ANKS1A: variants seen among roughly 807,000 people sequenced by gnomAD.
The protein encoded by ANKS1A is ankyrin repeat and SAM domain-containing protein 1A.
In ANKS1A, 55 loss-of-function variants were observed where a neutral mutation model predicts 120.3. The observed-to-expected ratio is 0.46, with a 90% CI of 0.37 to 0.57. The LOEUF (loss-of-function observed/expected upper bound fraction) is 0.57. Ranked by LOEUF, ANKS1A falls within the 20% of genes least tolerant of loss-of-function variation. The pLI is 0.00. For missense variants in ANKS1A, 1,123 were observed against 1,480.3 expected, an observed-to-expected ratio of 0.76 and a Z score of 3.96; for synonymous variants, 590 against 604.7, an observed-to-expected ratio of 0.98 and a Z score of 0.36.
At chr6:34,947,348 T>C (rs1477320924) in intron 1 of ANKS1A, among the ~76,000 whole-genome samples, 1 of 152,074 alleles carries the variant, frequency 6.6e-6, no homozygotes, top group African/African-American at 2.4e-5. Flanking sequence ...GGTTTTACTA[T>C]GTTGGGCAGG....
chr6:34,904,007 G>A (rs540801251), intron 1 of ANKS1A, among the ~76,000 whole-genome samples: 4 of 152,274 alleles, frequency 2.6e-5, no homozygotes, highest in African/African-American at 4.8e-5. Flanking sequence ...TGAATCAGCT[G>A]TGAGTTTGGG....
chr6:34,889,853 C>T lies in ANKS1A; in HGVS notation c.197+254C>T, dbSNP rs1261332513. ...GTGGGAGTGCCCAGGTGGCAGCCTC[C>T]GCCGCATGGCACAGCCAGGGTTCAC... is the stretch of plus-strand genomic sequence containing the variant. On this transcript the variant is annotated intron_variant, in intron 1 of 23. Transcript: ENST00000360359. The surrounding 1 kb of genome is among the most constrained non-coding windows in gnomAD (Gnocchi z 5.5). Among the ~76,000 whole-genome samples the T allele has an allele frequency of 6.6e-6, 1 of 152,120 alleles. No homozygotes were observed. Among genetic ancestry groups the T allele is most frequent in the Non-Finnish European group, 1.5e-5 (1 of 68,028 alleles).
chr6:34,889,484 C>T lies in ANKS1A; in HGVS notation c.82C>T (p.Leu28Phe). Residue 28 changes from leucine (L) to phenylalanine (F), a missense_variant, in exon 1 of 24, where the codon CTC becomes TTC. Transcript: ENST00000360359. The surrounding 1 kb of genome is among the most constrained non-coding windows in gnomAD (Gnocchi z 5.5). ...GGAGAAGCTGCTGTCCGGGAAGCGG[C>T]TCTCCTCAGGCTTTGGGGGCGGCGG... ...AVEKLLSGKR[L>F]SSGFGGGGGG... The T allele has an allele frequency of 7.8e-7, 1 of 1,285,454 alleles. No individual in the cohort carries two copies. Among genetic ancestry groups the T allele is most frequent in the Middle Eastern group, 2.9e-4 (1 of 3,506 alleles). 79.6% of individuals were successfully genotyped at this position (1,285,454 alleles called of 1,614,324 possible).
chr6:35,089,989 T>A lies in ANKS1A; in HGVS notation c.*1380T>A, dbSNP rs1778211792. The A allele has an allele frequency of 8.4e-7, 1 of 1,192,278 alleles. No individual in the cohort carries two copies. The highest frequency in any genetic ancestry group is 3.5e-5 in the Admixed American group (1 of 28,566). The allele number at this position is 1,192,278 out of a possible 1,614,324, so 73.9% of individuals were successfully genotyped here. ...TTTGAATTCTTTGTTGGTATGTATG[T>A]GCAGGGAGTACTGTTAGGCACATTC... is the stretch of plus-strand genomic sequence containing the variant. On this transcript the variant is annotated 3_prime_UTR_variant, in exon 24 of 24. Transcript: ENST00000360359.
intron 13 of ANKS1A, among the ~76,000 whole-genome samples, chr6:35,065,062 TC>T (rs1776700302): frequency 1.3e-5 from 2 of 152,144 alleles, no homozygotes; most frequent in Non-Finnish European, 2.9e-5. Flanking sequence ...TTCCTCGCTA[TC>T]CCAGGAGTTG....
At chr6:34,899,853 C>T (rs1017417324) in intron 1 of ANKS1A, among the ~76,000 whole-genome samples, 1 of 152,216 alleles carries the variant, frequency 6.6e-6, no homozygotes, top group Non-Finnish European at 1.5e-5. Context: ...TGGGGCCAGC[C>T]GCCTGATTCT....
chr6:35,009,283 A>G (rs906128186), intron 10 of ANKS1A, among the ~76,000 whole-genome samples: 3 of 152,136 alleles, frequency 2.0e-5, no homozygotes, highest in African/African-American at 4.8e-5. Flanking sequence ...GAATGGGAGA[A>G]GTATAGAAGA....
intron 13 of ANKS1A, among the ~76,000 whole-genome samples, chr6:35,072,004 T>A (rs75882990): frequency 0.024 from 3,604 of 152,384 alleles, 71 homozygotes; most frequent in Middle Eastern, 0.037. Context: ...CACCAGTGTG[T>A]CACCACTCCC....
At chr6:35,091,505 G>A (rs1177760455), downstream of ANKS1A, 6 of 832,642 alleles carry the variant, frequency 7.2e-6, no homozygotes, top group East Asian at 1.2e-4. Flanking sequence ...TCAGTGATTC[G>A]CATCCTACAC....
chr6:34,977,396 CA>C (rs1329414311), intron 3 of ANKS1A, among the ~76,000 whole-genome samples: 46 of 67,630 alleles, frequency 6.8e-4, no homozygotes, highest in Non-Finnish European at 1.6e-3. Context: ...AGCATTTTAG[CA>C]TTTTTTTTTT....
intron 11 of ANKS1A, among the ~76,000 whole-genome samples, chr6:35,037,710 G>T (rs1775247388): frequency 1.3e-5 from 2 of 152,280 alleles, no homozygotes; most frequent in African/African-American, 4.8e-5. Flanking sequence ...GGTCTAGAGG[G>T]CTCTGGCAGC....
chr6:34,938,699 G>T (rs60203290), intron 1 of ANKS1A, among the ~76,000 whole-genome samples: 23,600 of 152,088 alleles, frequency 0.16, 2,980 homozygotes, highest in African/African-American at 0.34. Context: ...TATAAAACAA[G>T]TATTTCTGGG....
chr6:35,085,966 C>G lies in ANKS1A; in HGVS notation c.3303+30C>G. The G allele has an allele frequency of 6.4e-7, 1 of 1,566,828 alleles. No homozygotes were observed. The highest frequency in any genetic ancestry group is 8.6e-7 in the Non-Finnish European group (1 of 1,159,824). ...GTGGGCCCCACTGGCCAAGATCCCC[C>G]TCTCCCTGGCCCCAGGGATTCAAGG... On this transcript the variant is annotated intron_variant, in intron 22 of 23. Coordinates refer to ENST00000360359, the MANE Select transcript of ANKS1A (RefSeq NM_015245.3). The surrounding 1 kb of genome is among the most constrained non-coding windows in gnomAD (Gnocchi z 4.7).
At chr6:35,006,434 G>A (rs1581634028) in intron 10 of ANKS1A, among the ~76,000 whole-genome samples, 3 of 152,030 alleles carry the variant, frequency 2.0e-5, no homozygotes, top group Admixed American at 2.0e-4. Flanking sequence ...TCTCCGTGAT[G>A]TAATTATTCC....
chr6:35,039,192 CTTTTTTTTTTT>C (rs35565672), intron 11 of ANKS1A, among the ~76,000 whole-genome samples: 1 of 83,788 alleles, frequency 1.2e-5, no homozygotes, highest in African/African-American at 4.8e-5. Flanking sequence ...CTCCCTCATA[CTTTTTTTTTTT>C]TTTTTTTTTT....
intron 10 of ANKS1A, among the ~76,000 whole-genome samples, chr6:35,016,049 C>G (rs1773987918): frequency 6.6e-6 from 1 of 152,174 alleles, no homozygotes; most frequent in African/African-American, 2.4e-5. Context: ...ATGGTGGAGA[C>G]CTGGATTCTC....
chr6:34,981,102 C>A (rs1054951044), intron 3 of ANKS1A, among the ~76,000 whole-genome samples: 1 of 152,144 alleles, frequency 6.6e-6, no homozygotes, highest in African/African-American at 2.4e-5. Context: ...TGTGACTGAG[C>A]CCGAGTGCCC....
intron 1 of ANKS1A, among the ~76,000 whole-genome samples, chr6:34,901,109 T>A (rs561634869): frequency 6.6e-6 from 1 of 152,118 alleles, no homozygotes; most frequent in Non-Finnish European, 1.5e-5. Flanking sequence ...ACCCATAAGC[T>A]ACATAAACTG....
intron 1 of ANKS1A, among the ~76,000 whole-genome samples, chr6:34,952,752 C>T (rs1001526973): frequency 4.0e-5 from 6 of 151,604 alleles, no homozygotes; most frequent in Admixed American, 3.3e-4. Context: ...CTCTGTCGCC[C>T]AGGCTGGAGT....
Sources: allele counts gnomAD v4.1 joint callset (sites outside exome capture counted in the v4.1 genomes callset), GRCh38; gene constraint gnomAD v4.1.1; non-coding constraint Gnocchi (gnomAD v3.1); transcripts MANE v1.5; gene names NCBI Gene and HGNC (gene_info 2026-07-23, HGNC 2026-07-21).